The following ZBTB20 variants were observed in gnomAD, a reference collection of about 807,000 sequenced individuals.
The protein encoded by ZBTB20 is zinc finger and BTB domain containing 20.
ZBTB20 carries 9 observed loss-of-function variants against 56.9 expected under a neutral mutation model. The ratio of observed to expected loss-of-function variants is 0.16; its 90% CI spans 0.10 to 0.28. ZBTB20 has a LOEUF of 0.28. ZBTB20 is among the 10% of genes least tolerant of loss of function. ZBTB20 has a pLI of 1.00. For missense variants in ZBTB20, 655 were observed against 1,003.0 expected (o/e 0.65, Z 4.69); for synonymous variants, 417 against 420.7 (o/e 0.99, Z 0.11).
At chr3:114,978,551 GTAA>G (rs1027363741) in intron 2 of ZBTB20, among the ~76,000 whole-genome samples, 1 of 151,254 alleles carries the variant, frequency 6.6e-6, no homozygotes, top group Non-Finnish European at 1.5e-5. Context: ...TTATAAAATG[GTAA>G]TAATGATAAC....
At chr3:114,618,935 G>C (rs537066111) in intron 6 of ZBTB20, among the ~76,000 whole-genome samples, 1 of 152,272 alleles carries the variant, frequency 6.6e-6, no homozygotes, top group South Asian at 2.1e-4. Context: ...TACAATTTAT[G>C]TCTTTCCATA....
intron 6 of ZBTB20, among the ~76,000 whole-genome samples, chr3:114,679,668 GC>G (rs1340455629): frequency 6.6e-6 from 1 of 152,106 alleles, no homozygotes; most frequent in Non-Finnish European, 1.5e-5. Context: ...AAATAGGAAT[GC>G]TTTTACACTG....
chr3:114,607,871 C>T (rs571940133), intron 6 of ZBTB20, among the ~76,000 whole-genome samples: 1 of 152,170 alleles, frequency 6.6e-6, no homozygotes, highest in African/African-American at 2.4e-5. Context: ...TATATGGTTA[C>T]AGTCCCCAAA....
intron 7 of ZBTB20, among the ~76,000 whole-genome samples, chr3:114,448,221 C>T (rs1260482678): frequency 6.6e-6 from 1 of 151,352 alleles, no homozygotes; most frequent in Admixed American, 6.6e-5. Context: ...GCTGTGGCTT[C>T]GTAAGATTAT....
At chr3:114,557,361 T>C (rs2051374009) in intron 6 of ZBTB20, among the ~76,000 whole-genome samples, 1 of 151,960 alleles carries the variant, frequency 6.6e-6, no homozygotes, top group Admixed American at 6.6e-5. Flanking sequence ...TATAGAATTT[T>C]TCAACTCCCA....
intron 5 of ZBTB20, among the ~76,000 whole-genome samples, chr3:114,755,644 T>TA (rs1210554741): frequency 6.6e-6 from 1 of 152,108 alleles, no homozygotes. Context: ...TTGCCAACAT[T>TA]ACTGCGTTAA....
chr3:115,147,051 G>A (rs1414680666), intron 1 of ZBTB20, among the ~76,000 whole-genome samples, 168 bp downstream of exon 1: 1 of 149,302 alleles, frequency 6.7e-6, no homozygotes, highest in African/African-American at 2.4e-5. Flanking sequence ...AGGGCCCGCT[G>A]GCTCGCCGCT....
In ZBTB20 at chr3:114,321,762, C is replaced by G. The variant is rs1399247282; in HGVS notation, c.*17243G>C. The stretch of plus-strand genomic sequence containing the variant: ...CCTTGGTTTTTCTCTCAGTCAGTTG[C>G]TCCAGTTTAAAGGAGAGTTTAGAAT... On this transcript the variant is annotated 3_prime_UTR_variant, in exon 12 of 12. Transcript: ENST00000675478. 1 of 152,198 alleles carries G rather than the reference C, an allele frequency of 6.6e-6. No homozygotes were observed. The highest frequency in any genetic ancestry group is 6.5e-5 in the Admixed American group (1 of 15,278). The allele number at this position is 152,198 out of a possible 1,614,324, so 9.4% of individuals were successfully genotyped here.
At chr3:114,678,459 G>A (rs1264472248) in intron 6 of ZBTB20, among the ~76,000 whole-genome samples, 1 of 152,140 alleles carries the variant, frequency 6.6e-6, no homozygotes, top group Non-Finnish European at 1.5e-5. Context: ...TGTTAATACT[G>A]CCTTCACCTC....
chr3:114,362,400 G>C (rs2081981715), intron 10 of ZBTB20, among the ~76,000 whole-genome samples: 1 of 152,130 alleles, frequency 6.6e-6, no homozygotes, highest in Non-Finnish European at 1.5e-5. Context: ...GGTTCTATGT[G>C]AGTGCTTGTT....
intron 7 of ZBTB20, among the ~76,000 whole-genome samples, chr3:114,415,325 T>C (rs113942620): frequency 0.01 from 1,550 of 152,230 alleles, 46 homozygotes; most frequent in African/African-American, 0.036. Flanking sequence ...AGAGAAAAAC[T>C]TGATGAAGGG....
intron 5 of ZBTB20, among the ~76,000 whole-genome samples, chr3:114,764,338 A>C (rs2068639500): frequency 6.6e-6 from 1 of 151,830 alleles, no homozygotes; most frequent in South Asian, 2.1e-4. Flanking sequence ...ACTGTGGCAG[A>C]AGTCACTCCA....
chr3:114,540,892 C>T (rs969477704), intron 6 of ZBTB20, among the ~76,000 whole-genome samples: 3 of 151,778 alleles, frequency 2.0e-5, no homozygotes, highest in African/African-American at 7.3e-5. Flanking sequence ...GTATCCCCAC[C>T]CTGCATTTGC....
At chr3:114,358,502 G>A in intron 10 of ZBTB20, among the ~76,000 whole-genome samples, 1 of 152,168 alleles carries the variant, frequency 6.6e-6, no homozygotes, top group East Asian at 1.9e-4. Context: ...AGGTCCAAAG[G>A]AGAAAGTAAT....
At chr3:114,811,123 G>A (rs1346465726) in intron 4 of ZBTB20, among the ~76,000 whole-genome samples, 1 of 152,194 alleles carries the variant, frequency 6.6e-6, no homozygotes, top group Non-Finnish European at 1.5e-5. Context: ...TAAAGAATAT[G>A]TCATTTAGAC....
At chr3:114,950,590 T>C (rs2077032706) in intron 3 of ZBTB20, among the ~76,000 whole-genome samples, 1 of 152,158 alleles carries the variant, frequency 6.6e-6, no homozygotes, top group Admixed American at 6.6e-5. Context: ...TGTAAATTGG[T>C]ATAATAACAT....
At chr3:114,916,589 A>T (rs2075754888) in intron 3 of ZBTB20, among the ~76,000 whole-genome samples, 1 of 152,132 alleles carries the variant, frequency 6.6e-6, no homozygotes, top group South Asian at 2.1e-4. Context: ...TCTGATATTG[A>T]TGAAATCCCT....
intron 3 of ZBTB20, among the ~76,000 whole-genome samples, chr3:114,905,984 A>T (rs942775017): frequency 2.0e-5 from 3 of 151,768 alleles, no homozygotes; most frequent in Admixed American, 6.6e-5. Context: ...AGATACCTCC[A>T]CTATTTTATT....
At chr3:115,124,928 C>T (rs1374637006) in intron 1 of ZBTB20, among the ~76,000 whole-genome samples, 1 of 150,858 alleles carries the variant, frequency 6.6e-6, no homozygotes, top group Non-Finnish European at 1.5e-5. Flanking sequence ...ATTAGAATAC[C>T]CTAATAAACA....
Sources: allele counts gnomAD v4.1 joint callset (sites outside exome capture counted in the v4.1 genomes callset), GRCh38; gene constraint gnomAD v4.1.1; transcripts MANE v1.5; gene names NCBI Gene and HGNC (gene_info 2026-07-23, HGNC 2026-07-21).